Variants in TMEM163 observed in about 807,000 individuals in gnomAD.
The protein encoded by TMEM163 is transmembrane protein 163.
TMEM163 carries 17 observed loss-of-function variants against 29.3 expected under a neutral mutation model. The observed-to-expected ratio is 0.58, with a 90% CI of 0.40 to 0.87. The LOEUF is 0.87. Ranked by LOEUF, TMEM163 falls within the 40% of genes least tolerant of loss-of-function variation. The pLI, the probability that TMEM163 is intolerant of heterozygous loss-of-function variation, is 0.00. For synonymous variants in TMEM163, 157 were observed against 160.6 expected (o/e 0.98, Z 0.17); for missense variants, 303 against 381.5 (o/e 0.79, Z 1.71).
chr2:134,591,654 G>T lies in TMEM163; in HGVS notation c.323-39563C>A, dbSNP rs1286200241. Among the ~76,000 whole-genome samples the T allele has an allele frequency of 5.3e-5, 8 of 152,132 alleles. No individual in the cohort carries two copies. The East Asian group carries it at 1.4e-3, about 26-fold the overall frequency. Reference sequence around the variant, plus strand: ...CCACTCAATGCTTCCAGATAAATCTGCCCAAAGCCAGGTTTGCATCACAAC... The same window carrying T: ...CCACTCAATGCTTCCAGATAAATCTTCCCAAAGCCAGGTTTGCATCACAAC... On this transcript the variant is annotated intron_variant, in intron 2 of 7. Coordinates refer to ENST00000281924, the MANE Select transcript of TMEM163 (RefSeq NM_030923.5).
rs145809313 is a variant in TMEM163, at chr2:134,458,150, C to T, written c.691G>A (p.Val231Met). Residue 231 changes from valine to methionine, a missense_variant, in exon 7 of 8, where the codon GTG becomes ATG. This residue lies in a region of TMEM163 where 203 missense variants were observed against 294.3 expected (regional missense o/e 0.69). Coordinates refer to ENST00000281924, the MANE Select transcript of TMEM163 (RefSeq NM_030923.5). ...CTCAGAAGAATGGAGAAGCCCATCA[C>T]GCCACCCACGAGGGAGTTAAACCCT... ...TDGFNSLVGGVMGFSILLSAE... is the reference protein window; with the variant it reads ...TDGFNSLVGGMMGFSILLSAE... The T allele has an allele frequency of 5.0e-5, 81 of 1,614,020 alleles. No individual in the cohort carries two copies. The East Asian group carries it at 6.0e-4, about 12-fold the overall frequency.
rs180919960 is a variant in TMEM163 at position 134,542,664 on chromosome 2, G to A, written c.458+7906C>T. On this transcript the variant is annotated intron_variant, in intron 4 of 7. Coordinates refer to ENST00000281924, the MANE Select transcript of TMEM163 (RefSeq NM_030923.5). ...ACCATCCCCCACCCAACCCCAGTCC[G>A]CGGAAAAATTTTCTTCCATGAAATC... Among the ~76,000 whole-genome samples the A allele has an allele frequency of 4.9e-4, 75 of 152,182 alleles. 1 individual carries two copies. The East Asian group carries it at 0.014, about 27-fold the overall frequency.
chr2:134,483,335 T>C (rs1679239207), intron 5 of TMEM163, among the ~76,000 whole-genome samples: 1 of 151,930 alleles, frequency 6.6e-6, no homozygotes, highest in Non-Finnish European at 1.5e-5. Context: ...CAACATCCCC[T>C]CATCAAGCCC....
At chr2:134,587,765 G>A (rs1276054492) in intron 2 of TMEM163, among the ~76,000 whole-genome samples, 1 of 152,210 alleles carries the variant, frequency 6.6e-6, no homozygotes, top group Non-Finnish European at 1.5e-5. Flanking sequence ...GGAAAACCTG[G>A]AAGGCTCCAG....
At chr2:134,577,979 G>T (rs946719427) in intron 2 of TMEM163, among the ~76,000 whole-genome samples, 1 of 152,076 alleles carries the variant, frequency 6.6e-6, no homozygotes, top group African/African-American at 2.4e-5. Context: ...TTCACATCAG[G>T]CTCTTGGGCA....
intron 4 of TMEM163, among the ~76,000 whole-genome samples, chr2:134,513,238 G>A (rs1679987800): frequency 6.6e-6 from 1 of 152,186 alleles, no homozygotes; most frequent in Admixed American, 6.5e-5. Flanking sequence ...CAGGTCTGGG[G>A]GCAGAAAAGA....
chr2:134,462,845 C>G (rs1424221255), intron 6 of TMEM163, among the ~76,000 whole-genome samples: 1 of 152,250 alleles, frequency 6.6e-6, no homozygotes, highest in Non-Finnish European at 1.5e-5. Flanking sequence ...GTCCCATGGT[C>G]ATGGGCAGGG....
intron 6 of TMEM163, among the ~76,000 whole-genome samples, chr2:134,461,366 G>T (rs1328675229): frequency 2.6e-5 from 4 of 152,178 alleles, no homozygotes; most frequent in African/African-American, 9.7e-5. Flanking sequence ...TTGAGAACTG[G>T]ATATGAGCAG....
At chr2:134,629,558 C>A (rs572340289) in intron 2 of TMEM163, among the ~76,000 whole-genome samples, 1 of 152,204 alleles carries the variant, frequency 6.6e-6, no homozygotes, top group South Asian at 2.1e-4. Flanking sequence ...CACTGATCAG[C>A]CCTTGTACCT....
At chr2:134,670,089 G>A (rs1250840904) in intron 2 of TMEM163, among the ~76,000 whole-genome samples, 1 of 152,020 alleles carries the variant, frequency 6.6e-6, no homozygotes, top group Admixed American at 6.6e-5. Context: ...TGTGTTTTGG[G>A]ATGATTTTCT....
At chr2:134,503,856 C>A (rs145514806) in intron 4 of TMEM163, among the ~76,000 whole-genome samples, 3 of 151,350 alleles carry the variant, frequency 2.0e-5, no homozygotes, top group Non-Finnish European at 2.9e-5. Flanking sequence ...CCAGACACAA[C>A]AAATCTCAGG....
chr2:134,678,825 A>C (rs1684172956), intron 2 of TMEM163, among the ~76,000 whole-genome samples: 1 of 152,244 alleles, frequency 6.6e-6, no homozygotes, highest in Non-Finnish European at 1.5e-5. Context: ...TCATTGCTTT[A>C]AAATTTGAAT....
At chr2:134,577,643 C>T (rs779306547) in intron 2 of TMEM163, among the ~76,000 whole-genome samples, 7 of 152,072 alleles carry the variant, frequency 4.6e-5, no homozygotes, top group Non-Finnish European at 8.8e-5. Context: ...TGCAGGTCTC[C>T]GCAGGTGTTC....
chr2:134,619,624 T>C (rs1682684542), intron 2 of TMEM163, among the ~76,000 whole-genome samples: 1 of 152,160 alleles, frequency 6.6e-6, no homozygotes, highest in African/African-American at 2.4e-5. Flanking sequence ...TACCTAACAG[T>C]TAAAAACTAG....
At chr2:134,678,967 T>G (rs760125432) in intron 2 of TMEM163, among the ~76,000 whole-genome samples, 1 of 152,238 alleles carries the variant, frequency 6.6e-6, no homozygotes, top group Non-Finnish European at 1.5e-5. Context: ...TCTTCCAATA[T>G]CTACCTATGT....
At chr2:134,665,457 C>T (rs546045224) in intron 2 of TMEM163, among the ~76,000 whole-genome samples, 1 of 152,294 alleles carries the variant, frequency 6.6e-6, no homozygotes, top group East Asian at 1.9e-4. Context: ...CAGGTCCCTC[C>T]CATGACACCT....
At chr2:134,563,530 T>A (rs1240357033) in intron 2 of TMEM163, among the ~76,000 whole-genome samples, 1 of 152,044 alleles carries the variant, frequency 6.6e-6, no homozygotes, top group East Asian at 1.9e-4. Flanking sequence ...AACAACAAAA[T>A]TATCAAATAC....
chr2:134,664,254 A>G (rs1012405143), intron 2 of TMEM163, among the ~76,000 whole-genome samples: 2 of 152,232 alleles, frequency 1.3e-5, no homozygotes, highest in Non-Finnish European at 2.9e-5. Flanking sequence ...CGCCTAGCTC[A>G]GTGGACAGTT....
intron 1 of TMEM163, among the ~76,000 whole-genome samples, chr2:134,715,435 C>T (rs1254891816): frequency 6.6e-6 from 1 of 151,978 alleles, no homozygotes; most frequent in East Asian, 1.9e-4. Flanking sequence ...CCTGTGTGTG[C>T]CTCCTCCGTG....
Sources: gnomAD v4.1 joint callset for allele counts (sites outside exome capture counted in the v4.1 genomes callset) on GRCh38, gnomAD v4.1.1 for gene constraint, gnomAD v4.1.1 regional missense constraint, MANE v1.5 for transcripts, NCBI Gene and HGNC (gene_info 2026-07-23, HGNC 2026-07-21) for gene names.